Variants in EYS observed in about 807,000 individuals in gnomAD.
EYS encodes the protein protein eyes shut homolog.
In EYS, 250 loss-of-function variants were observed where a neutral mutation model predicts 282.1. The ratio of observed to expected loss-of-function variants is 0.89; its 90% CI spans 0.80 to 0.98. EYS has a LOEUF of 0.98. Among genes scored for constraint, EYS ranks in the 50% least tolerant of loss-of-function variants. The pLI is 0.00. For missense variants in EYS, 4,016 were observed against 3,709.0 expected (o/e 1.08, Z -2.15); for synonymous variants, 1,355 against 1,282.9 (o/e 1.06, Z -1.20).
chr6:65,695,094 G>A (rs12192822), intron 1 of EYS, among the ~76,000 whole-genome samples: 54,409 of 151,844 alleles, frequency 0.36, 12,038 homozygotes, highest in Non-Finnish European at 0.49. Flanking sequence ...ATCATTCAGT[G>A]ATACTGAAAT....
intron 41 of EYS, chr6:63,742,028 A>G: frequency 1.4e-6 from 1 of 700,172 alleles, no homozygotes; most frequent in South Asian, 1.5e-5. Flanking sequence ...GTGGCTCTTT[A>G]TCAGCAGTCT....
At chr6:65,172,819 T>C (rs1765136241) in intron 12 of EYS, among the ~76,000 whole-genome samples, 1 of 151,240 alleles carries the variant, frequency 6.6e-6, no homozygotes, top group Non-Finnish European at 1.5e-5. Context: ...TTTATGTTGA[T>C]CTTAGATAAG....
intron 13 of EYS, among the ~76,000 whole-genome samples, chr6:65,039,791 TA>T (rs549313742): frequency 6.6e-6 from 1 of 151,604 alleles, no homozygotes; most frequent in Non-Finnish European, 1.5e-5. Context: ...GGTATCTTAG[TA>T]AAAAAGGGTG....
intron 12 of EYS, among the ~76,000 whole-genome samples, chr6:65,198,874 T>C (rs1374043231): frequency 6.6e-6 from 1 of 152,038 alleles, no homozygotes; most frequent in Non-Finnish European, 1.5e-5. Context: ...GACTATTTTA[T>C]GGATTTGATT....
chr6:64,080,279 T>C (rs1470254281), intron 32 of EYS, among the ~76,000 whole-genome samples: 2 of 152,208 alleles, frequency 1.3e-5, no homozygotes, highest in African/African-American at 2.4e-5. Flanking sequence ...TATCTCATTG[T>C]GGTTTTGATT....
At chr6:64,627,444 ATAGAAAT>A (rs1767644233) in intron 22 of EYS, among the ~76,000 whole-genome samples, 1 of 152,224 alleles carries the variant, frequency 6.6e-6, no homozygotes, top group South Asian at 2.1e-4. Context: ...AATTAAATAA[ATAGAAAT>A]TAGATCATTA....
chr6:64,152,950 A>G (rs1356635632), intron 31 of EYS, among the ~76,000 whole-genome samples: 2 of 152,202 alleles, frequency 1.3e-5, no homozygotes, highest in Non-Finnish European at 2.9e-5. Flanking sequence ...TATGCTGTGT[A>G]GGAAGAAACA....
At chr6:63,884,461 T>C (rs1475659261) in intron 35 of EYS, among the ~76,000 whole-genome samples, 1 of 152,148 alleles carries the variant, frequency 6.6e-6, no homozygotes, top group East Asian at 1.9e-4. Flanking sequence ...CCTGGGGTGC[T>C]GAAAAATGTT....
chr6:64,884,251 C>T (rs1386583019), intron 19 of EYS, among the ~76,000 whole-genome samples: 3 of 151,492 alleles, frequency 2.0e-5, no homozygotes, highest in Non-Finnish European at 4.4e-5. Flanking sequence ...AATTTTAACA[C>T]ATTTAATATT....
At position 64,169,449 on chromosome 6, in the gene EYS, CA is replaced by C. The variant is rs1764411407; in HGVS notation, c.6424+61142del. On this transcript the variant is annotated intron_variant, in intron 31 of 42. Coordinates refer to ENST00000503581, the MANE Select transcript of EYS (RefSeq NM_001142800.2). ...AGGAGGAGTTTTTTTTTTTTTTTTA[CA>C]AAAAGGATTATTGACAAAACTATAC... 3.2e-5 allele frequency among the ~76,000 whole-genome samples: 4 copies of C among 126,754 alleles called. No individual in the cohort carries two copies. The East Asian group carries it at 8.6e-4, about 27-fold the overall frequency. The allele number at this position is 126,754 out of a possible 152,430, so 83.2% of individuals were successfully genotyped here.
chr6:64,633,843 A>G (rs1036451548), intron 22 of EYS, among the ~76,000 whole-genome samples: 4 of 152,148 alleles, frequency 2.6e-5, no homozygotes, highest in African/African-American at 7.2e-5. Flanking sequence ...TTTCAACCCC[A>G]TGTGGGTCTT....
intron 29 of EYS, among the ~76,000 whole-genome samples, chr6:64,342,790 T>C (rs1334631655): frequency 6.6e-6 from 1 of 152,124 alleles, no homozygotes; most frequent in Non-Finnish European, 1.5e-5. Context: ...AACCCATCAG[T>C]GTGCTGTATT....
chr6:64,292,363 G>A (rs918959481), intron 30 of EYS, among the ~76,000 whole-genome samples: 4 of 151,988 alleles, frequency 2.6e-5, no homozygotes, highest in Non-Finnish European at 1.5e-5. Flanking sequence ...ATTAGTCCTG[G>A]GGCATGGTCC....
chr6:64,432,705 G>A (rs1162378019), intron 28 of EYS, among the ~76,000 whole-genome samples: 1 of 151,898 alleles, frequency 6.6e-6, no homozygotes, highest in East Asian at 1.9e-4. Context: ...AAATACATGT[G>A]CCACTATCTT....
chr6:64,327,065 G>A (rs1338686766), intron 29 of EYS, among the ~76,000 whole-genome samples: 2 of 152,126 alleles, frequency 1.3e-5, no homozygotes, highest in Non-Finnish European at 2.9e-5. Context: ...GTGTGTGAAA[G>A]TGTGTGGAAG....
chr6:64,793,955 C>T (rs1774268639), intron 22 of EYS, among the ~76,000 whole-genome samples: 1 of 152,086 alleles, frequency 6.6e-6, no homozygotes, highest in Admixed American at 6.6e-5. Flanking sequence ...ATTTATTTTG[C>T]ATAACAAAAA....
intron 35 of EYS, among the ~76,000 whole-genome samples, chr6:63,933,506 C>T (rs1349426851): frequency 6.6e-6 from 1 of 152,146 alleles, no homozygotes; most frequent in Non-Finnish European, 1.5e-5. Context: ...CGCACCTGGC[C>T]TCTTTTGGGT....
intron 32 of EYS, among the ~76,000 whole-genome samples, chr6:64,077,958 CT>C (rs1452766766): frequency 2.0e-5 from 3 of 151,934 alleles, no homozygotes; most frequent in African/African-American, 7.2e-5. Flanking sequence ...ACAGAGTGTT[CT>C]TTTTTAAGCT....
intron 24 of EYS, among the ~76,000 whole-genome samples, chr6:64,603,898 TG>T: frequency 6.6e-6 from 1 of 150,550 alleles, no homozygotes; most frequent in East Asian, 2.0e-4. Context: ...TGTGTGTGTG[TG>T]TGTGTTCTCT....
Sources: gnomAD v4.1 joint callset for allele counts (sites outside exome capture counted in the v4.1 genomes callset) on GRCh38, gnomAD v4.1.1 for gene constraint, MANE v1.5 for transcripts, NCBI Gene and HGNC (gene_info 2026-07-23, HGNC 2026-07-21) for gene names.